SUMF1: variants seen among roughly 807,000 people sequenced by gnomAD.
The protein encoded by SUMF1 is formylglycine-generating enzyme.
A neutral mutation model predicts 47.6 loss-of-function variants in SUMF1; 48 were observed. The observed-to-expected ratio is 1.01, with a 90% CI of 0.80 to 1.28. The LOEUF is 1.28. Ranked by LOEUF, SUMF1 falls within the 50% of genes most tolerant of loss-of-function variation. The pLI, the probability that SUMF1 is intolerant of heterozygous loss-of-function variation, is 0.00. For synonymous variants in SUMF1, 230 were observed against 192.1 expected (o/e 1.20, Z -1.63); for missense variants, 571 against 485.4 (o/e 1.18, Z -1.66).
intron 7 of SUMF1, among the ~76,000 whole-genome samples, chr3:4,396,475 C>T (rs1000760231): frequency 2.0e-5 from 3 of 152,176 alleles, no homozygotes; most frequent in African/African-American, 4.8e-5. Context: ...ACCGCACAGG[C>T]CAGGTAGTTG....
intron 8 of SUMF1, among the ~76,000 whole-genome samples, chr3:4,249,585 T>A (rs1477211947): frequency 1.3e-5 from 2 of 152,192 alleles, no homozygotes; most frequent in Admixed American, 6.5e-5. Context: ...CTCTACCAAC[T>A]GGTCATTCCC....
intron 8 of SUMF1, among the ~76,000 whole-genome samples, chr3:4,085,670 C>A (rs972632759): frequency 3.3e-5 from 5 of 152,136 alleles, no homozygotes; most frequent in Non-Finnish European, 7.4e-5. Flanking sequence ...CCTAGACCAC[C>A]CTGGCCAGAA....
intron 7 of SUMF1, among the ~76,000 whole-genome samples, chr3:4,396,949 A>G (rs1701058168): frequency 6.6e-6 from 1 of 152,252 alleles, no homozygotes; most frequent in East Asian, 1.9e-4. Context: ...TAAACACAGA[A>G]GAAGCAACTA....
At chr3:4,309,956 C>T (rs1414805613) in intron 8 of SUMF1, among the ~76,000 whole-genome samples, 1 of 152,156 alleles carries the variant, frequency 6.6e-6, no homozygotes, top group African/African-American at 2.4e-5. Context: ...CTTACAGAAA[C>T]CTAGATGGTA....
downstream of SUMF1, among the ~76,000 whole-genome samples, chr3:4,360,205 C>CTTTTTTTTTTTTT (rs57690047): frequency 4.8e-5 from 5 of 104,140 alleles, 2 homozygotes; most frequent in Non-Finnish European, 6.1e-5. Flanking sequence ...AATGTTTGTT[C>CTTTTTTTTTTTTT]TTTTTTTTTT....
intron 8 of SUMF1, among the ~76,000 whole-genome samples, chr3:4,121,633 T>C (rs1391094990): frequency 6.6e-6 from 1 of 152,182 alleles, no homozygotes; most frequent in Non-Finnish European, 1.5e-5. Flanking sequence ...CCTAGCAATT[T>C]CATTCCTAGG....
intron 8 of SUMF1, among the ~76,000 whole-genome samples, chr3:4,269,606 G>C (rs1697265796): frequency 6.6e-6 from 1 of 152,156 alleles, no homozygotes; most frequent in African/African-American, 2.4e-5. Flanking sequence ...AGTTAACAAA[G>C]ACCAGAAGCG....
chr3:4,313,747 C>T lies in SUMF1; in HGVS notation c.1014+62583G>A, dbSNP rs747095743. On this transcript the variant is annotated intron_variant and NMD_transcript_variant, in intron 8 of 12. Transcript: ENST00000448413. The stretch of plus-strand genomic sequence containing the variant: ...CCCTTCTGTGTTCCCCTCCTGCAAG[C>T]GATTGACCCTTGAGGTGAGTCTGTT... 16 of 1,614,008 alleles carry T rather than the reference C, an allele frequency of 9.9e-6. No homozygotes were observed. Among genetic ancestry groups the T allele is most frequent in the Middle Eastern group, 1.7e-4 (1 of 6,058 alleles).
intron 8 of SUMF1, among the ~76,000 whole-genome samples, chr3:4,108,277 T>C (rs1263601732): frequency 6.6e-6 from 1 of 152,162 alleles, no homozygotes; most frequent in Non-Finnish European, 1.5e-5. Context: ...TTGACTGAGC[T>C]GTGGTCTGAG....
intron 8 of SUMF1, among the ~76,000 whole-genome samples, chr3:4,094,501 A>T (rs1354410254): frequency 6.6e-6 from 1 of 152,060 alleles, no homozygotes; most frequent in Non-Finnish European, 1.5e-5. Flanking sequence ...CATGATGGAG[A>T]GGTCAGGATG....
chr3:4,106,120 C>T (rs192809847), intron 8 of SUMF1, among the ~76,000 whole-genome samples: 2 of 152,044 alleles, frequency 1.3e-5, no homozygotes, highest in Non-Finnish European at 2.9e-5. Context: ...GAACCTCCTT[C>T]TCTAAGTCAC....
At chr3:4,258,531 A>G (rs1312888237) in intron 8 of SUMF1, among the ~76,000 whole-genome samples, 1 of 151,670 alleles carries the variant, frequency 6.6e-6, no homozygotes, top group Non-Finnish European at 1.5e-5. Context: ...ATCACTAGCC[A>G]TCAGAGAAAT....
At chr3:4,080,500 C>T (rs1692535886) in intron 8 of SUMF1, among the ~76,000 whole-genome samples, 1 of 152,018 alleles carries the variant, frequency 6.6e-6, no homozygotes, top group African/African-American at 2.4e-5. Context: ...TACCTGGGAA[C>T]CCTGCTTCAA....
rs1436211614 is a variant in SUMF1, at chr3:4,256,358, T to C, written c.1014+119972A>G. Among the ~76,000 whole-genome samples, 15 of 104,792 alleles carry C rather than the reference T, an allele frequency of 1.4e-4. 1 individual carries two copies. The highest frequency in any genetic ancestry group is 8.8e-5 in the Admixed American group (1 of 11,310). The allele number at this position is 104,792 out of a possible 152,430, so 68.7% of individuals were successfully genotyped here. ...TTTTTGAAAGGATCAACAAAATTGA[T>C]AGACCACTAGCAAGACTGATAAAGA... is the stretch of plus-strand genomic sequence containing the variant. On this transcript the variant is annotated intron_variant and NMD_transcript_variant, in intron 8 of 12. Transcript: ENST00000448413.
At chr3:4,061,562 T>C (rs795720) in intron 9 of SUMF1, among the ~76,000 whole-genome samples, 148,877 of 152,232 alleles carry the variant, frequency 0.98, 72,868 homozygotes, top group Middle Eastern at 1. Context: ...CTGCAGCACC[T>C]CATTAAAGCC....
At chr3:4,368,302 A>T (rs1489292610) in intron 8 of SUMF1, among the ~76,000 whole-genome samples, 1 of 152,320 alleles carries the variant, frequency 6.6e-6, no homozygotes, top group South Asian at 2.1e-4. Flanking sequence ...ATCTCACACC[A>T]GTTAGAATGG....
chr3:4,236,306 T>C (rs764232312), intron 8 of SUMF1, among the ~76,000 whole-genome samples: 1 of 152,068 alleles, frequency 6.6e-6, no homozygotes, highest in Non-Finnish European at 1.5e-5. Context: ...TATTGATAAG[T>C]TGTAAATTTC....
intron 8 of SUMF1, among the ~76,000 whole-genome samples, chr3:4,284,493 GAA>G (rs892878718): frequency 2.3e-5 from 3 of 132,572 alleles, no homozygotes; most frequent in Non-Finnish European, 5.1e-5. Flanking sequence ...GAGGAGGAGA[GAA>G]AGTACAAAAG....
At chr3:4,192,290 C>T (rs1179653685) in intron 8 of SUMF1, among the ~76,000 whole-genome samples, 1 of 152,102 alleles carries the variant, frequency 6.6e-6, no homozygotes, top group African/African-American at 2.4e-5. Context: ...CCAGTTCCAA[C>T]TCTGCCACTA....
Sources: allele counts gnomAD v4.1 joint callset (sites outside exome capture counted in the v4.1 genomes callset), GRCh38; gene constraint gnomAD v4.1.1; transcripts MANE v1.5; gene names NCBI Gene and HGNC (gene_info 2026-07-23, HGNC 2026-07-21).